The following MPHOSPH6 variants were observed in gnomAD, a reference collection of about 807,000 sequenced individuals.
The protein encoded by MPHOSPH6 is M-phase phosphoprotein 6.
In MPHOSPH6, 25 loss-of-function variants were observed where a neutral mutation model predicts 21.8. That is an observed-to-expected ratio of 1.15 (90% CI 0.83 to 1.60). The LOEUF (loss-of-function observed/expected upper bound fraction) is 1.60, where lower values mean the gene tolerates loss of function less well. Among genes scored for constraint, MPHOSPH6 ranks in the 40% most tolerant of loss-of-function variants. The pLI is 0.00. For synonymous variants in MPHOSPH6, 84 were observed against 56.5 expected (o/e 1.49, Z -2.18); for missense variants, 269 against 181.8 (o/e 1.48, Z -2.76).
At chr16:82,170,036 C>T in intron 1 of MPHOSPH6, 89 bp downstream of exon 1, 1 of 1,427,386 alleles carries the variant, frequency 7.0e-7, no homozygotes, top group East Asian at 2.9e-5. Flanking sequence ...TCTCTGGTGT[C>T]CCTTGTCCGC....
At chr16:82,150,677 G>A (rs1407838918) in intron 3 of MPHOSPH6, among the ~76,000 whole-genome samples, 3 of 152,204 alleles carry the variant, frequency 2.0e-5, no homozygotes, top group South Asian at 2.1e-4. Context: ...AGTTGGTAGA[G>A]AACAGAGGAC....
At chr16:82,154,396 A>C (rs1019851405) in intron 2 of MPHOSPH6, among the ~76,000 whole-genome samples, 5 of 152,246 alleles carry the variant, frequency 3.3e-5, no homozygotes, top group African/African-American at 9.6e-5. Context: ...GGTAGTCAGC[A>C]ATGTAATACA....
chr16:82,157,519 G>C (rs913512664), intron 2 of MPHOSPH6, among the ~76,000 whole-genome samples: 2 of 152,186 alleles, frequency 1.3e-5, no homozygotes, highest in Non-Finnish European at 2.9e-5. Context: ...AGATCTTTAC[G>C]TGATGATGGA....
rs1032150604 is a variant in MPHOSPH6 at position 82,164,248 on chromosome 16, G to T, written c.52-54C>A. On this transcript the variant is annotated intron_variant, in intron 1 of 4. Coordinates refer to ENST00000258169, the MANE Select transcript of MPHOSPH6 (RefSeq NM_005792.2). Reference sequence around the variant, plus strand: ...AAACTTTTCCCATTTTAGAACTGAGGAAACCCCAAATAATTTTCTTCTTCT... The same window carrying T: ...AAACTTTTCCCATTTTAGAACTGAGTAAACCCCAAATAATTTTCTTCTTCT... 71 of 1,153,208 alleles carry T rather than the reference G, an allele frequency of 6.2e-5. 2 individuals carry two copies. The South Asian group carries it at 8.9e-4, about 14-fold the overall frequency. 71.4% of individuals were successfully genotyped at this position (1,153,208 alleles called of 1,614,324 possible). A position where few individuals can be genotyped will look rare whatever the true frequency, so the allele number is the denominator to read the frequency against.
chr16:82,150,052 G>A (rs1315932303), intron 3 of MPHOSPH6, among the ~76,000 whole-genome samples: 1 of 150,342 alleles, frequency 6.7e-6, no homozygotes, highest in Non-Finnish European at 1.5e-5. Context: ...TTTTTAGCAA[G>A]AGGAGAAGGA....
chr16:82,165,888 A>T (rs1906762455), intron 1 of MPHOSPH6, among the ~76,000 whole-genome samples: 2 of 152,214 alleles, frequency 1.3e-5, no homozygotes, highest in Non-Finnish European at 2.9e-5. Context: ...GTGTTAAGTA[A>T]CACATGATGG....
At chr16:82,159,412 T>A (rs528492453) in intron 2 of MPHOSPH6, among the ~76,000 whole-genome samples, 2 of 149,428 alleles carry the variant, frequency 1.3e-5, no homozygotes, top group East Asian at 3.9e-4. Context: ...TCTAAATAAA[T>A]TTTTTTTTTT....
At chr16:82,163,758 C>T (rs1160757973) in intron 2 of MPHOSPH6, 1 of 201,366 alleles carries the variant, frequency 5.0e-6, no homozygotes, top group Non-Finnish European at 9.9e-6. Flanking sequence ...CTGAAGTACA[C>T]CCCTAATCTT....
Position 82,148,652 on chromosome 16 carries a change from G to C in MPHOSPH6, c.*79C>G. ...AAACGTTACAGTATTAATAACTATA[G>C]AGACACCATTGGGATGAGCTCCAGA... On this transcript the variant is annotated 3_prime_UTR_variant, in exon 5 of 5. Transcript: ENST00000258169. 6.6e-7 allele frequency: 1 copy of C among 1,514,952 alleles called. No homozygotes were observed. The highest frequency in any genetic ancestry group is 8.9e-7 in the Non-Finnish European group (1 of 1,118,068). 93.8% of individuals were successfully genotyped at this position (1,514,952 alleles called of 1,614,324 possible).
chr16:82,161,234 A>G (rs571952843), intron 2 of MPHOSPH6, among the ~76,000 whole-genome samples: 4 of 152,298 alleles, frequency 2.6e-5, no homozygotes, highest in African/African-American at 7.2e-5. Context: ...AGGGACCCCA[A>G]CTAATGAACT....
chr16:82,163,854 T>C, intron 2 of MPHOSPH6: 2 of 428,324 alleles, frequency 4.7e-6, no homozygotes, highest in Non-Finnish European at 8.2e-6. Context: ...GGTTCCTTCA[T>C]TCAATGTAAA....
In MPHOSPH6 at chr16:82,170,217, C is replaced by T. The variant is rs938591820; in HGVS notation, c.-42G>A. 3.2e-6 allele frequency: 5 copies of T among 1,561,156 alleles called. No homozygotes were observed. Among genetic ancestry groups the T allele is most frequent in the Non-Finnish European group, 4.3e-6 (5 of 1,155,454 alleles). On this transcript the variant is annotated 5_prime_UTR_variant, in exon 1 of 5. The change creates a new upstream start codon in the 5' untranslated region. Transcript: ENST00000258169. ...CGCCGCACTCCGGCCGCGAGCCTCACCGCACATGCGCGGAGCCGCGTGCGC... is the reference window on the plus strand; with the variant it reads ...CGCCGCACTCCGGCCGCGAGCCTCATCGCACATGCGCGGAGCCGCGTGCGC...
At chr16:82,168,211 C>T (rs1215370005) in intron 1 of MPHOSPH6, among the ~76,000 whole-genome samples, 1 of 152,160 alleles carries the variant, frequency 6.6e-6, no homozygotes, top group Non-Finnish European at 1.5e-5. Context: ...CTGGCTTATT[C>T]CAAGAGCTAA....
At chr16:82,157,690 C>T (rs550108491) in intron 2 of MPHOSPH6, among the ~76,000 whole-genome samples, 2 of 152,230 alleles carry the variant, frequency 1.3e-5, no homozygotes, top group East Asian at 1.9e-4. Context: ...AGAGGAGAGG[C>T]GTCTTTTAAA....
intron 4 of MPHOSPH6, 151 bp from the exon 5 acceptor site, chr16:82,149,014 A>G: frequency 9.3e-7 from 1 of 1,077,542 alleles, no homozygotes; most frequent in Non-Finnish European, 1.3e-6. Flanking sequence ...CAATTTATGA[A>G]CTTCTCTAAG....
chr16:82,150,459 C>A (rs1267002810), intron 3 of MPHOSPH6, among the ~76,000 whole-genome samples: 1 of 152,184 alleles, frequency 6.6e-6, no homozygotes, highest in Admixed American at 6.5e-5. Context: ...CACATGCCTC[C>A]TCCCACTCCG....
At chr16:82,151,979 G>C (rs905793543) in intron 2 of MPHOSPH6, among the ~76,000 whole-genome samples, 2 of 152,120 alleles carry the variant, frequency 1.3e-5, no homozygotes, top group Admixed American at 1.3e-4. Context: ...TTCGTTCTCA[G>C]GGATTTCAAA....
At chr16:82,163,246 T>G (rs897321311) in intron 2 of MPHOSPH6, among the ~76,000 whole-genome samples, 2 of 152,218 alleles carry the variant, frequency 1.3e-5, no homozygotes, top group Admixed American at 6.5e-5. Flanking sequence ...AAGCAGCATC[T>G]TCAGTCATTT....
At position 82,148,931 on chromosome 16, in the gene MPHOSPH6, A is replaced by G. The variant is rs138201779; in HGVS notation, c.351-68T>C. 191 of 1,547,862 alleles carry G rather than the reference A, an allele frequency of 1.2e-4. No individual in the cohort carries two copies. In the East Asian group the frequency reaches 2.8e-3, roughly 23 times the overall value. On this transcript the variant is annotated intron_variant, in intron 4 of 4. Transcript: ENST00000258169. Reference sequence around the variant, plus strand: ...AGGTAGGGATCAAGCCTTGTCAAGAATATCAGACCAAATATGCAATAAAAA... The same window carrying G: ...AGGTAGGGATCAAGCCTTGTCAAGAGTATCAGACCAAATATGCAATAAAAA...
Sources: gnomAD v4.1 joint callset for allele counts (sites outside exome capture counted in the v4.1 genomes callset) on GRCh38, gnomAD v4.1.1 for gene constraint, MANE v1.5 for transcripts, NCBI Gene and HGNC (gene_info 2026-07-23, HGNC 2026-07-21) for gene names.